Variants in RAB2A observed in about 807,000 individuals in gnomAD.
The protein encoded by RAB2A is RAB2A, member RAS oncogene family.
RAB2A carries 7 observed loss-of-function variants against 32.5 expected under a neutral mutation model. That is an observed-to-expected ratio of 0.22 (90% CI 0.12 to 0.40). The LOEUF (loss-of-function observed/expected upper bound fraction) is 0.40, where lower values mean the gene tolerates loss of function less well. Ranked by LOEUF, RAB2A falls within the 10% of genes least tolerant of loss-of-function variation. The pLI, the probability that RAB2A is intolerant of heterozygous loss-of-function variation, is 1.00. For synonymous variants in RAB2A, 79 were observed against 85.2 expected (o/e 0.93, Z 0.40); for missense variants, 108 against 260.7 (o/e 0.41, Z 4.03).
chr8:60,618,597 A>T lies in RAB2A; in HGVS notation c.492A>T (p.Ala164=), dbSNP rs1262038215. The T allele has an allele frequency of 5.7e-6, 7 of 1,231,472 alleles. No individual in the cohort carries two copies. Among genetic ancestry groups the T allele is most frequent in the Non-Finnish European group, 7.6e-6 (7 of 919,774 alleles). 76.3% of individuals were successfully genotyped at this position (1,231,472 alleles called of 1,614,324 possible). Residue 164 remains alanine, a synonymous_variant, in exon 7 of 8, where the codon GCA becomes GCT. Coordinates refer to ENST00000262646, the MANE Select transcript of RAB2A (RefSeq NM_002865.3). ...SNVEEAFINT[A]KEIYEKIQEG... ...TATTTCAGGCATTTATTAATACAGC[A>T]AAAGAAATTTATGAAAAAATTCAAG...
intron 7 of RAB2A, among the ~76,000 whole-genome samples, chr8:60,619,458 G>T (rs1192297308): frequency 6.6e-6 from 1 of 152,174 alleles, no homozygotes; most frequent in Non-Finnish European, 1.5e-5. Context: ...AAGCCATTAT[G>T]TATGTCTCTC....
intron 2 of RAB2A, chr8:60,570,076 A>C: frequency 2.2e-6 from 1 of 455,604 alleles, no homozygotes; most frequent in South Asian, 1.6e-5. Context: ...CCGTATCTTT[A>C]GCCCTCTGCT....
chr8:60,527,099 G>T (rs1807404036), intron 1 of RAB2A, among the ~76,000 whole-genome samples: 1 of 152,142 alleles, frequency 6.6e-6, no homozygotes, highest in African/African-American at 2.4e-5. Context: ...TATAATCATG[G>T]CAGAAGGTGA....
intron 1 of RAB2A, among the ~76,000 whole-genome samples, chr8:60,544,121 T>C (rs1416402014): frequency 2.6e-5 from 4 of 151,622 alleles, no homozygotes; most frequent in Non-Finnish European, 5.9e-5. Flanking sequence ...TTTTTTTTTT[T>C]CTCACTGTTG....
chr8:60,560,897 C>T (rs1168600298), intron 2 of RAB2A, among the ~76,000 whole-genome samples: 1 of 152,064 alleles, frequency 6.6e-6, no homozygotes, highest in Non-Finnish European at 1.5e-5. Context: ...AGGAGTAGAC[C>T]CAAGAATTGT....
rs1173035857 is a variant in RAB2A at position 60,517,156 on chromosome 8, G to A, written c.-52G>A. 2.0e-6 allele frequency: 3 copies of A among 1,465,904 alleles called. No individual in the cohort carries two copies. The highest frequency in any genetic ancestry group is 2.7e-6 in the Non-Finnish European group (3 of 1,104,868). 90.8% of individuals were successfully genotyped at this position (1,465,904 alleles called of 1,614,324 possible). A position where few individuals can be genotyped will look rare whatever the true frequency, so the allele number is the denominator to read the frequency against. Reference sequence around the variant, plus strand: ...GCACCGGGGTTGGGGCGCGGAGGAGGAGCAGCAGCGGGAGGAGGAGCCGTG... The same window carrying A: ...GCACCGGGGTTGGGGCGCGGAGGAGAAGCAGCAGCGGGAGGAGGAGCCGTG... On this transcript the variant is annotated 5_prime_UTR_variant, in exon 1 of 8. Transcript: ENST00000262646.
chr8:60,544,165 T>TA (rs1436710475), intron 1 of RAB2A, among the ~76,000 whole-genome samples: 1 of 151,320 alleles, frequency 6.6e-6, no homozygotes, highest in Non-Finnish European at 1.5e-5. Context: ...GATCTCGGCT[T>TA]ACTGCAGCCT....
chr8:60,587,745 C>T (rs1472377895), intron 5 of RAB2A, among the ~76,000 whole-genome samples: 1 of 150,790 alleles, frequency 6.6e-6, no homozygotes, highest in Non-Finnish European at 1.5e-5. Flanking sequence ...TAAATATATG[C>T]AATTTTACCT....
chr8:60,567,861 T>TA (rs1808138947), intron 2 of RAB2A, among the ~76,000 whole-genome samples: 1 of 152,146 alleles, frequency 6.6e-6, no homozygotes, highest in South Asian at 2.1e-4. Flanking sequence ...CTGTTTCTCT[T>TA]AATTTTATTA....
At chr8:60,601,529 G>A (rs1460143531) in intron 6 of RAB2A, among the ~76,000 whole-genome samples, 1 of 152,122 alleles carries the variant, frequency 6.6e-6, no homozygotes, top group African/African-American at 2.4e-5. Flanking sequence ...GTAGAAACAA[G>A]GTTTCACTAT....
intron 3 of RAB2A, among the ~76,000 whole-genome samples, chr8:60,577,082 G>A (rs1803646917): frequency 6.6e-6 from 1 of 150,576 alleles, no homozygotes; most frequent in Non-Finnish European, 1.5e-5. Flanking sequence ...ATCTTGCCCT[G>A]TTGCCCAGGC....
chr8:60,565,676 A>ATTTTTTTTTTTTTT (rs71252885), intron 2 of RAB2A, among the ~76,000 whole-genome samples: 7 of 97,672 alleles, frequency 7.2e-5, no homozygotes, highest in Non-Finnish European at 1.5e-4. Flanking sequence ...TCTGTAGCTG[A>ATTTTTTTTTTTTTT]TTTTTTTTTT....
At chr8:60,517,825 T>C (rs543870280) in intron 1 of RAB2A, among the ~76,000 whole-genome samples, 2 of 152,234 alleles carry the variant, frequency 1.3e-5, no homozygotes, top group South Asian at 4.1e-4. Flanking sequence ...AAAATATGCT[T>C]TTTTAACACC....
At chr8:60,533,770 A>AGACCAGCCT (rs1807515614) in intron 1 of RAB2A, among the ~76,000 whole-genome samples, 1 of 152,194 alleles carries the variant, frequency 6.6e-6, no homozygotes, top group Admixed American at 6.5e-5. Flanking sequence ...CAGGAGTTCA[A>AGACCAGCCT]GACCAGCCTG....
chr8:60,566,857 G>A (rs73259486), intron 2 of RAB2A, among the ~76,000 whole-genome samples: 9,676 of 152,078 alleles, frequency 0.064, 793 homozygotes, highest in African/African-American at 0.19. Context: ...GCAAGAACAC[G>A]CAGTATTTGA....
chr8:60,581,372 A>G (rs1563476979), intron 3 of RAB2A, among the ~76,000 whole-genome samples: 1 of 152,270 alleles, frequency 6.6e-6, no homozygotes, highest in Non-Finnish European at 1.5e-5. Flanking sequence ...TAGTGTATAC[A>G]GTGAAGATAG....
chr8:60,614,009 C>G (rs963563644), intron 6 of RAB2A, among the ~76,000 whole-genome samples: 2 of 152,008 alleles, frequency 1.3e-5, no homozygotes, highest in Admixed American at 1.3e-4. Context: ...CTGGTCTTAC[C>G]TAATTTTTAT....
chr8:60,551,522 G>C (rs1807846949), intron 1 of RAB2A, among the ~76,000 whole-genome samples: 1 of 152,114 alleles, frequency 6.6e-6, no homozygotes, highest in Admixed American at 6.6e-5. Context: ...TATCCTATTA[G>C]ATAGGTGTTA....
chr8:60,581,274 A>C (rs1803745777), intron 3 of RAB2A, among the ~76,000 whole-genome samples: 2 of 152,348 alleles, frequency 1.3e-5, no homozygotes, highest in African/African-American at 4.8e-5. Context: ...TATAATGCAA[A>C]TATTCTAAAA....
Sources: allele counts gnomAD v4.1 joint callset (sites outside exome capture counted in the v4.1 genomes callset), GRCh38; gene constraint gnomAD v4.1.1; transcripts MANE v1.5; gene names NCBI Gene and HGNC (gene_info 2026-07-23, HGNC 2026-07-21).